SLC44A5: variants seen among roughly 807,000 people sequenced by gnomAD.
SLC44A5 encodes the protein solute carrier family 44 member 5, also known as choline transporter-like protein 5.
A neutral mutation model predicts 101.8 loss-of-function variants in SLC44A5; 57 were observed. The ratio of observed to expected loss-of-function variants is 0.56; its 90% confidence interval spans 0.45 to 0.70. SLC44A5 has a LOEUF of 0.70. SLC44A5 is among the 30% of genes least tolerant of loss of function. The pLI is 0.00. For synonymous variants in SLC44A5, 281 were observed against 290.9 expected (o/e 0.97, Z 0.35); for missense variants, 737 against 853.1 (o/e 0.86, Z 1.70).
chr1:75,346,038 C>T (rs1339000713), intron 3 of SLC44A5, among the ~76,000 whole-genome samples: 2 of 152,182 alleles, frequency 1.3e-5, no homozygotes, highest in African/African-American at 2.4e-5. Context: ...ACATCATCAC[C>T]TAATGATGAC....
chr1:75,580,184 CA>C (rs2102066053), intron 1 of SLC44A5, among the ~76,000 whole-genome samples: 1 of 151,846 alleles, frequency 6.6e-6, no homozygotes, highest in Admixed American at 6.6e-5. Context: ...TTTTTAGCAT[CA>C]AAAGATAGAA....
upstream of SLC44A5, among the ~76,000 whole-genome samples, chr1:75,614,479 A>G (rs1675781601): frequency 6.6e-6 from 1 of 152,180 alleles, no homozygotes; most frequent in Non-Finnish European, 1.5e-5. Context: ...GCTTTCCAGT[A>G]AGTGCTTTGA....
chr1:75,418,381 G>T (rs1663793601), intron 2 of SLC44A5, among the ~76,000 whole-genome samples: 1 of 152,164 alleles, frequency 6.6e-6, no homozygotes, highest in Non-Finnish European at 1.5e-5. Context: ...TAGTAATTAG[G>T]TTCAGTATTT....
intron 23 of SLC44A5, 107 bp from the exon 24 acceptor site, chr1:75,203,940 G>GTTGTTT (rs112399722): frequency 3.7e-6 from 4 of 1,079,360 alleles, no homozygotes; most frequent in Admixed American, 4.1e-5. Flanking sequence ...TCCTTTTGTT[G>GTTGTTT]TTTTTTTTTT....
chr1:75,391,344 A>G (rs1447816331), intron 3 of SLC44A5, among the ~76,000 whole-genome samples: 1 of 152,172 alleles, frequency 6.6e-6, no homozygotes, highest in Non-Finnish European at 1.5e-5. Context: ...GCAGAATTAG[A>G]AAAAACTAAT....
At chr1:75,317,702 C>CT (rs1442865824) in intron 4 of SLC44A5, among the ~76,000 whole-genome samples, 1 of 152,100 alleles carries the variant, frequency 6.6e-6, no homozygotes, top group Non-Finnish European at 1.5e-5. Context: ...ATCAGTGTGC[C>CT]TGCATGGTCA....
intron 3 of SLC44A5, among the ~76,000 whole-genome samples, chr1:75,369,894 GC>G (rs2101162526): frequency 6.6e-6 from 1 of 152,216 alleles, no homozygotes; most frequent in Non-Finnish European, 1.5e-5. Flanking sequence ...CCATTGCTTG[GC>G]CTTGAAACTT....
chr1:75,225,133 G>A lies in SLC44A5; in HGVS notation c.985+2593C>T, dbSNP rs866909613. ...CATTCATGGTAAACACTCTCCACAC[G>A]GGTACCATTTTAAAAAATCTTTTAT... On this transcript the variant is annotated intron_variant, in intron 13 of 23. Coordinates refer to ENST00000370859, the MANE Select transcript of SLC44A5 (RefSeq NM_001130058.2). Among the ~76,000 whole-genome samples the A allele has an allele frequency of 3.9e-5, 6 of 151,968 alleles. No individual in the cohort carries two copies. In the South Asian group the frequency reaches 8.3e-4, roughly 21 times the overall value.
the SLC44A5 span, among the ~76,000 whole-genome samples, chr1:75,715,349 G>A: frequency 1.3e-5 from 2 of 152,100 alleles, no homozygotes; most frequent in Non-Finnish European, 2.9e-5. Context: ...GCAACCCTAA[G>A]CAAAAAGAAC....
intron 3 of SLC44A5, among the ~76,000 whole-genome samples, chr1:75,367,203 T>G (rs1659917865): frequency 6.6e-6 from 1 of 152,150 alleles, no homozygotes. Context: ...TCCTGTTAGG[T>G]CCCCAGGATA....
the SLC44A5 span, among the ~76,000 whole-genome samples, chr1:75,645,153 G>A: frequency 1.3e-5 from 2 of 152,010 alleles, no homozygotes; most frequent in African/African-American, 4.8e-5. Flanking sequence ...GTAATAGGAT[G>A]GCTGGGTCAA....
intron 3 of SLC44A5, among the ~76,000 whole-genome samples, chr1:75,359,648 C>G (rs986023246): frequency 6.6e-6 from 1 of 152,106 alleles, no homozygotes; most frequent in East Asian, 1.9e-4. Flanking sequence ...GTTGATAACT[C>G]TATAACATAT....
the SLC44A5 span, among the ~76,000 whole-genome samples, chr1:75,723,009 G>A: frequency 6.6e-6 from 1 of 152,208 alleles, no homozygotes; most frequent in Non-Finnish European, 1.5e-5. Flanking sequence ...CTTATCTGGA[G>A]GTGTTTTTAC....
At chr1:75,233,500 G>A (rs114719763) in intron 12 of SLC44A5, among the ~76,000 whole-genome samples, 253 of 152,104 alleles carry the variant, frequency 1.7e-3, no homozygotes, top group African/African-American at 5.7e-3. Flanking sequence ...AGTGTAATTC[G>A]GAATACTTGC....
At chr1:75,692,425 GACCTTGT>G in the SLC44A5 span, among the ~76,000 whole-genome samples, 1 of 151,972 alleles carries the variant, frequency 6.6e-6, no homozygotes, top group Admixed American at 6.6e-5. Flanking sequence ...TCAATCTCCT[GACCTTGT>G]GATCCGCCCG....
chr1:75,648,266 A>G, the SLC44A5 span, among the ~76,000 whole-genome samples: 1 of 152,010 alleles, frequency 6.6e-6, no homozygotes, highest in African/African-American at 2.4e-5. Context: ...CCCTTCCATG[A>G]TGTTTAAAAG....
chr1:75,688,961 A>G, the SLC44A5 span, among the ~76,000 whole-genome samples: 2 of 152,172 alleles, frequency 1.3e-5, no homozygotes, highest in African/African-American at 4.8e-5. Context: ...CCCTTATACC[A>G]TACCTATCCA....
intron 2 of SLC44A5, among the ~76,000 whole-genome samples, chr1:75,537,033 A>AAATATATAT (rs35829590): frequency 7.0e-5 from 3 of 43,018 alleles, no homozygotes; most frequent in Non-Finnish European, 1.2e-4. Context: ...AAAAAAAAAA[A>AAATATATAT]ATATATATCT....
At chr1:75,570,968 A>G (rs1673043358) in intron 1 of SLC44A5, among the ~76,000 whole-genome samples, 1 of 152,160 alleles carries the variant, frequency 6.6e-6, no homozygotes, top group Non-Finnish European at 1.5e-5. Flanking sequence ...CCGTACCCAG[A>G]GCCCCCAGTC....
Sources: allele counts gnomAD v4.1 joint callset (sites outside exome capture counted in the v4.1 genomes callset), GRCh38; gene constraint gnomAD v4.1.1; transcripts MANE v1.5; gene names NCBI Gene and HGNC (gene_info 2026-07-23, HGNC 2026-07-21).